SEPTIN10: variants seen among roughly 807,000 people sequenced by gnomAD.
SEPTIN10 encodes the protein septin-10.
A neutral mutation model predicts 54.8 loss-of-function variants in SEPTIN10; 66 were observed. That is an observed-to-expected ratio of 1.21 (90% CI 0.99 to 1.48). The LOEUF is 1.48. Ranked by LOEUF, SEPTIN10 falls within the 40% of genes most tolerant of loss-of-function variation. The pLI is 0.00. For synonymous variants in SEPTIN10, 161 were observed against 181.0 expected (o/e 0.89, Z 0.89); for missense variants, 620 against 545.6 (o/e 1.14, Z -1.36).
chr2:109,576,847 GAGA>G (rs1161862144), intron 4 of SEPTIN10, among the ~76,000 whole-genome samples: 1 of 152,086 alleles, frequency 6.6e-6, no homozygotes, highest in Admixed American at 6.6e-5. Flanking sequence ...AAGATATAAT[GAGA>G]AGATCTAACA....
At chr2:109,545,862 C>T in intron 10 of SEPTIN10, 188 bp downstream of exon 10, 2 of 1,445,794 alleles carry the variant, frequency 1.4e-6, no homozygotes, top group Non-Finnish European at 9.1e-7. Flanking sequence ...GTGCCAGGTG[C>T]TGTTCTGGAT....
intron 8 of SEPTIN10, among the ~76,000 whole-genome samples, chr2:109,555,556 T>C (rs1684164145): frequency 6.6e-6 from 1 of 152,208 alleles, no homozygotes; most frequent in South Asian, 2.1e-4. Flanking sequence ...ACTATTCTCA[T>C]AAATGCAGAA....
chr2:109,610,656 C>T (rs1433227361), intron 1 of SEPTIN10, among the ~76,000 whole-genome samples: 4 of 151,904 alleles, frequency 2.6e-5, no homozygotes, highest in African/African-American at 4.8e-5. Flanking sequence ...GTGGAGGCTG[C>T]GGTGAGCTGA....
chr2:109,585,369 A>T, intron 3 of SEPTIN10, 48 bp from the exon 4 acceptor site: 10 of 1,443,910 alleles, frequency 6.9e-6, no homozygotes, highest in Non-Finnish European at 9.5e-6. Flanking sequence ...ATGGCTGAAA[A>T]GAAATACAAC....
intron 1 of SEPTIN10, chr2:109,613,359 C>T (rs1699696449): frequency 8.5e-6 from 3 of 353,404 alleles, no homozygotes; most frequent in Admixed American, 3.8e-5. Flanking sequence ...AACGGGAGAG[C>T]TTTTGAAAAG....
chr2:109,545,764 T>C (rs1681047140), intron 10 of SEPTIN10: 10 of 1,426,804 alleles, frequency 7.0e-6, no homozygotes, highest in Admixed American at 5.8e-5. Flanking sequence ...AGCAGCCATT[T>C]TCCCCCAGCT....
At chr2:109,552,937 T>C (rs1483167481) in intron 9 of SEPTIN10, 150 bp downstream of exon 9, 2 of 868,270 alleles carry the variant, frequency 2.3e-6, no homozygotes, top group African/African-American at 3.4e-5. Flanking sequence ...TGATTCTAAG[T>C]CAATATTCAA....
chr2:109,550,596 G>A (rs1013898631), intron 9 of SEPTIN10, among the ~76,000 whole-genome samples: 8 of 152,190 alleles, frequency 5.3e-5, no homozygotes, highest in South Asian at 2.1e-4. Context: ...TTGCAGGCGT[G>A]AGCCACCACG....
intron 1 of SEPTIN10, chr2:109,604,716 T>TGGGGA (rs1293880340): frequency 3.1e-5 from 4 of 130,300 alleles, no homozygotes; most frequent in Non-Finnish European, 6.6e-5. Context: ...AACGAGACTC[T>TGGGGA]GGGGAGGGGA....
At chr2:109,568,468 T>C (rs1687599080) in intron 5 of SEPTIN10, among the ~76,000 whole-genome samples, 1 of 149,518 alleles carries the variant, frequency 6.7e-6, no homozygotes. Flanking sequence ...GCCTTCTGGG[T>C]TCAAGCGATT....
chr2:109,584,474 C>CAA (rs71958517), intron 4 of SEPTIN10, among the ~76,000 whole-genome samples: 10,506 of 69,702 alleles, frequency 0.15, 965 homozygotes, highest in African/African-American at 0.2. Context: ...GACTCTGTCT[C>CAA]AAAAAAAAAA....
intron 1 of SEPTIN10, chr2:109,613,554 A>G (rs983040310): frequency 4.0e-6 from 1 of 247,896 alleles, no homozygotes. Flanking sequence ...GAACTCTCCC[A>G]CCGTCCCGAC....
chr2:109,581,135 T>A (rs1691014343), intron 4 of SEPTIN10, among the ~76,000 whole-genome samples: 1 of 152,208 alleles, frequency 6.6e-6, no homozygotes. Context: ...ATTTTGAATG[T>A]ACACTTAAAA....
intron 4 of SEPTIN10, among the ~76,000 whole-genome samples, chr2:109,579,128 T>C (rs1690474811): frequency 6.6e-6 from 1 of 152,174 alleles, no homozygotes; most frequent in South Asian, 2.1e-4. Context: ...AATAAAAAGA[T>C]ATTAAGAGTA....
chr2:109,598,298 C>T (rs933030858), intron 1 of SEPTIN10, among the ~76,000 whole-genome samples: 1 of 152,002 alleles, frequency 6.6e-6, no homozygotes, highest in African/African-American at 2.4e-5. Context: ...GAACTCCCAA[C>T]CTCAGGTGAT....
intron 1 of SEPTIN10, among the ~76,000 whole-genome samples, chr2:109,608,130 T>C (rs1192102967): frequency 6.6e-6 from 1 of 152,226 alleles, no homozygotes; most frequent in Admixed American, 6.5e-5. Flanking sequence ...AGCTTTTTAT[T>C]TTAATTTTCA....
At chr2:109,571,666 G>A (rs192085084) in intron 5 of SEPTIN10, among the ~76,000 whole-genome samples, 1 of 152,316 alleles carries the variant, frequency 6.6e-6, no homozygotes, top group African/African-American at 2.4e-5. Context: ...CTGCAAGACT[G>A]TCCTACACTA....
intron 1 of SEPTIN10, among the ~76,000 whole-genome samples, chr2:109,596,880 G>C (rs1260228572): frequency 6.6e-6 from 1 of 151,958 alleles, no homozygotes; most frequent in Non-Finnish European, 1.5e-5. Context: ...AGTACTACTT[G>C]GTCAGTTAAA....
intron 1 of SEPTIN10, among the ~76,000 whole-genome samples, chr2:109,600,079 C>T (rs531722659): frequency 1.0e-3 from 157 of 152,258 alleles, no homozygotes; most frequent in Non-Finnish European, 1.7e-3. Flanking sequence ...GACCCAAGAC[C>T]ACTTTCTCCC....
Sources: allele counts gnomAD v4.1 joint callset (sites outside exome capture counted in the v4.1 genomes callset), GRCh38; gene constraint gnomAD v4.1.1; transcripts MANE v1.5; gene names NCBI Gene and HGNC (gene_info 2026-07-23, HGNC 2026-07-21).